Variants in ZC4H2 observed in about 807,000 individuals in gnomAD.
The protein encoded by ZC4H2 is zinc finger C4H2-type containing.
For synonymous variants in ZC4H2, 84 were observed against 66.3 expected (o/e 1.27, Z -1.30); for missense variants, 137 against 173.9 (o/e 0.79, Z 1.19).
At chrX:64,992,731 C>T (rs1267286805) in intron 1 of ZC4H2, among the ~76,000 whole-genome samples, 1 of 111,433 alleles carries the variant, frequency 9.0e-6, no homozygotes, top group African/African-American at 3.3e-5. Flanking sequence ...GTTCCATTCC[C>T]TCTTTTCCTC....
intron 1 of ZC4H2, among the ~76,000 whole-genome samples, chrX:65,011,811 G>A (rs2147286075): frequency 9.1e-6 from 1 of 109,586 alleles, no homozygotes; most frequent in African/African-American, 3.3e-5. Flanking sequence ...CGCCTCCTGG[G>A]TTCAAGCGAT....
chrX:64,983,680 T>A (rs1349370970), intron 1 of ZC4H2, among the ~76,000 whole-genome samples: 3 of 112,233 alleles, frequency 2.7e-5, no homozygotes, highest in African/African-American at 9.7e-5. Context: ...TAGTGTATGT[T>A]AGCACATAAA....
At chrX:64,918,404 CAG>C (rs769254006) in intron 4 of ZC4H2, 1 of 114,703 alleles carries the variant, frequency 8.7e-6, no homozygotes, top group Admixed American at 8.9e-5. Flanking sequence ...TTAACGAAAA[CAG>C]GGAACAGATT....
intron 1 of ZC4H2, among the ~76,000 whole-genome samples, chrX:64,962,157 T>C (rs72623472): frequency 0.013 from 1,459 of 111,004 alleles, 58 homozygotes; most frequent in Admixed American, 0.099. Flanking sequence ...CAGGTAAAAA[T>C]CCTCAACAAA....
intron 1 of ZC4H2, among the ~76,000 whole-genome samples, chrX:64,994,459 A>T (rs983030112): frequency 5.3e-5 from 6 of 112,208 alleles, no homozygotes; most frequent in African/African-American, 1.3e-4. Flanking sequence ...TATATTGTTC[A>T]AATTAGGATA....
rs1435009166 is a variant in ZC4H2, at chrX:64,976,386, C to T, written c.-9G>A. ...TCTTGCTCATCTGCCATACTTTTCACTGTCAATTTCACGTCCCGAGAGATG... is the reference window on the plus strand; with the variant it reads ...TCTTGCTCATCTGCCATACTTTTCATTGTCAATTTCACGTCCCGAGAGATG... On this transcript the variant is annotated 5_prime_UTR_variant, in exon 1 of 5. The change creates a new upstream start codon in the 5' untranslated region. Transcript: ENST00000374839. 1.7e-6 allele frequency: 2 copies of T among 1,210,310 alleles called. No homozygotes were observed. The highest frequency in any genetic ancestry group is 3.5e-5 in the South Asian group (2 of 56,953).
At chrX:64,943,794 GTC>G (rs1028988015) in intron 1 of ZC4H2, among the ~76,000 whole-genome samples, 2 of 111,452 alleles carry the variant, frequency 1.8e-5, no homozygotes, top group Non-Finnish European at 3.8e-5. Context: ...CAATTTGCCA[GTC>G]TCTGTCTTTT....
intron 1 of ZC4H2, among the ~76,000 whole-genome samples, chrX:65,006,044 A>G (rs764050071): frequency 8.9e-6 from 1 of 111,828 alleles, no homozygotes; most frequent in South Asian, 3.8e-4. Context: ...GTGATCATTA[A>G]AAAGTCAGGA....
chrX:64,955,143 T>C (rs756370396), intron 1 of ZC4H2, among the ~76,000 whole-genome samples: 40 of 111,977 alleles, frequency 3.6e-4, no homozygotes, highest in African/African-American at 9.1e-4. Context: ...CCTAAAATAG[T>C]TTATGAACAA....
rs779343688 is a variant in ZC4H2, at chrX:65,002,136, T to C, written c.-272+32493A>G. 6.4e-4 allele frequency among the ~76,000 whole-genome samples: 72 copies of C among 111,985 alleles called. No individual in the cohort carries two copies. In the South Asian group the frequency reaches 7.5e-3, roughly 12 times the overall value. On this transcript the variant is annotated intron_variant, in intron 1 of 4. Coordinates refer to the ZC4H2 transcript ENST00000337990. ...TTCTCCACCCCAATTCAACAGAATA[T>C]ACATTCTTCTCACCAACACAACACA...
intron 1 of ZC4H2, among the ~76,000 whole-genome samples, chrX:64,951,075 C>T (rs1053677929): frequency 9.0e-5 from 10 of 110,876 alleles, no homozygotes; most frequent in East Asian, 8.5e-4. Context: ...TTTGTCCTTG[C>T]GATAGTTTAC....
chrX:64,920,664 T>A (rs747152866), intron 2 of ZC4H2, among the ~76,000 whole-genome samples: 1 of 112,403 alleles, frequency 8.9e-6, no homozygotes, highest in African/African-American at 3.2e-5. Context: ...GGGAAATACT[T>A]CTTAGTATCA....
At chrX:65,008,746 T>C (rs774479474) in intron 1 of ZC4H2, among the ~76,000 whole-genome samples, 2 of 111,847 alleles carry the variant, frequency 1.8e-5, no homozygotes, top group South Asian at 3.8e-4. Context: ...CTCACTAATA[T>C]GTGGGAGGTA....
intron 1 of ZC4H2, among the ~76,000 whole-genome samples, chrX:64,952,987 G>A (rs866113218): frequency 9.0e-6 from 1 of 111,006 alleles, no homozygotes; most frequent in Middle Eastern, 4.7e-3. Context: ...TAGACCAATG[G>A]AACAGAACAG....
At chrX:65,018,494 C>G (rs1283383203) in intron 1 of ZC4H2, among the ~76,000 whole-genome samples, 1 of 112,296 alleles carries the variant, frequency 8.9e-6, no homozygotes, top group East Asian at 2.8e-4. Context: ...ATGGTGCACT[C>G]TTGCCCAGAT....
At chrX:64,918,641 A>G (rs944017389) in intron 4 of ZC4H2, 2 of 123,612 alleles carry the variant, frequency 1.6e-5, no homozygotes, top group African/African-American at 6.4e-5. Context: ...TTTGCATCTA[A>G]CTTTGCAAAT....
intron 1 of ZC4H2, among the ~76,000 whole-genome samples, chrX:65,029,652 G>A (rs1932915393): frequency 8.9e-6 from 1 of 111,765 alleles, no homozygotes; most frequent in African/African-American, 3.3e-5. Flanking sequence ...GGTGCTAGAT[G>A]AGACAAAGAT....
intron 1 of ZC4H2, among the ~76,000 whole-genome samples, chrX:64,969,503 G>C (rs781740434): frequency 1.1e-4 from 12 of 112,175 alleles, no homozygotes; most frequent in South Asian, 7.5e-4. Flanking sequence ...TTGTTAATAA[G>C]TTGAGGGGAT....
At chrX:65,033,389 A>T (rs188660562) in intron 1 of ZC4H2, among the ~76,000 whole-genome samples, 13 of 112,123 alleles carry the variant, frequency 1.2e-4, no homozygotes, top group Admixed American at 9.4e-4. Flanking sequence ...CTGGATATTT[A>T]CATGTTAATT....
Sources: allele counts gnomAD v4.1 joint callset (sites outside exome capture counted in the v4.1 genomes callset), GRCh38; gene constraint gnomAD v4.1.1; transcripts MANE v1.5; gene names NCBI Gene and HGNC (gene_info 2026-07-23, HGNC 2026-07-21).